The following CSMD3 variants were observed in gnomAD, a reference collection of about 807,000 sequenced individuals.
CSMD3 encodes the protein CUB and Sushi multiple domains 3.
CSMD3 carries 177 observed loss-of-function variants against 435.2 expected under a neutral mutation model. That is an observed-to-expected ratio of 0.41 (90% CI 0.36 to 0.46). The LOEUF is 0.46. Ranked by LOEUF, CSMD3 falls within the 20% of genes least tolerant of loss-of-function variation. The pLI, the probability that CSMD3 is intolerant of heterozygous loss-of-function variation, is 0.34. For missense variants in CSMD3, 4,265 were observed against 4,504.6 expected, an observed-to-expected ratio of 0.95 and a Z score of 1.52; for synonymous variants, 1,656 against 1,520.5, an observed-to-expected ratio of 1.09 and a Z score of -2.07.
At chr8:112,873,873 TG>T (rs1241095257) in intron 10 of CSMD3, among the ~76,000 whole-genome samples, 1 of 152,112 alleles carries the variant, frequency 6.6e-6, no homozygotes, top group African/African-American at 2.4e-5. Context: ...CTGGATTCAC[TG>T]ATTTTTTTTG....
intron 11 of CSMD3, among the ~76,000 whole-genome samples, chr8:112,845,977 CAG>C (rs956331201): frequency 2.6e-5 from 4 of 151,856 alleles, no homozygotes; most frequent in African/African-American, 9.7e-5. Context: ...TTCAGGAAAA[CAG>C]AGAATAAAGA....
At chr8:112,551,579 T>C (rs1827690085) in intron 26 of CSMD3, among the ~76,000 whole-genome samples, 1 of 152,112 alleles carries the variant, frequency 6.6e-6, no homozygotes, top group African/African-American at 2.4e-5. Context: ...AATGTTTAAT[T>C]TTTAGAAATT....
chr8:112,447,377 G>A (rs1815724120), intron 32 of CSMD3, among the ~76,000 whole-genome samples: 1 of 152,030 alleles, frequency 6.6e-6, no homozygotes, highest in African/African-American at 2.4e-5. Flanking sequence ...CTTTATCTAT[G>A]ACCACATCCC....
At chr8:112,556,466 T>C (rs1828128820) in intron 25 of CSMD3, among the ~76,000 whole-genome samples, 1 of 152,050 alleles carries the variant, frequency 6.6e-6, no homozygotes, top group Non-Finnish European at 1.5e-5. Context: ...ATTAAAAGTC[T>C]TAACATTTTA....
At chr8:113,043,435 A>G (rs143856096) in intron 5 of CSMD3, among the ~76,000 whole-genome samples, 233 of 152,300 alleles carry the variant, frequency 1.5e-3, no homozygotes, top group African/African-American at 5.5e-3. Flanking sequence ...AAATGTTTCC[A>G]GAAGTTGTCC....
At chr8:112,773,320 T>G (rs965021639) in intron 13 of CSMD3, among the ~76,000 whole-genome samples, 12 of 151,978 alleles carry the variant, frequency 7.9e-5, no homozygotes, top group African/African-American at 2.9e-4. Flanking sequence ...CTATAAAAGT[T>G]TTCAACAATA....
chr8:112,239,117 T>C (rs1180983434), intron 66 of CSMD3, among the ~76,000 whole-genome samples: 1 of 152,094 alleles, frequency 6.6e-6, no homozygotes, highest in Non-Finnish European at 1.5e-5. Context: ...CACAGAACTG[T>C]AACCAATCTA....
chr8:113,195,241 T>C (rs75821229), intron 3 of CSMD3, among the ~76,000 whole-genome samples: 5 of 150,776 alleles, frequency 3.3e-5, no homozygotes, highest in Admixed American at 6.6e-5. Flanking sequence ...TTTTTTTTTT[T>C]CAAGCTTCAG....
intron 3 of CSMD3, among the ~76,000 whole-genome samples, chr8:113,222,887 T>C (rs565520749): frequency 6.6e-6 from 1 of 151,018 alleles, no homozygotes; most frequent in Non-Finnish European, 1.5e-5. Flanking sequence ...AATTTTCACA[T>C]GATATTTCGG....
chr8:113,100,764 T>C (rs1251251812), intron 4 of CSMD3, among the ~76,000 whole-genome samples: 3 of 152,156 alleles, frequency 2.0e-5, no homozygotes, highest in African/African-American at 4.8e-5. Flanking sequence ...ACATTACTTT[T>C]GTCTGTTTAA....
intron 35 of CSMD3, among the ~76,000 whole-genome samples, chr8:112,405,238 TATATATATAC>T (rs1831729939): frequency 9.9e-6 from 1 of 100,886 alleles, no homozygotes; most frequent in African/African-American, 4.0e-5. Context: ...TATATATATA[TATATATATAC>T]ATATATATAT....
intron 17 of CSMD3, among the ~76,000 whole-genome samples, chr8:112,661,492 CAGGCAT>C (rs2075378739): frequency 6.6e-6 from 1 of 152,068 alleles, no homozygotes; most frequent in Non-Finnish European, 1.5e-5. Context: ...CTCTGAATTG[CAGGCAT>C]TGTTTGGCAA....
At chr8:112,659,081 G>T (rs995909758) in intron 17 of CSMD3, among the ~76,000 whole-genome samples, 2 of 152,114 alleles carry the variant, frequency 1.3e-5, no homozygotes, top group African/African-American at 2.4e-5. Context: ...TAAAATGCAC[G>T]GAAGAGTCAG....
intron 13 of CSMD3, among the ~76,000 whole-genome samples, chr8:112,763,907 T>A (rs926937855): frequency 7.3e-5 from 11 of 151,376 alleles, no homozygotes; most frequent in Non-Finnish European, 1.6e-4. Flanking sequence ...TTTTTCTTGC[T>A]GGCAGCTCCA....
At chr8:112,570,228 T>A (rs1218159896) in intron 24 of CSMD3, among the ~76,000 whole-genome samples, 1 of 152,202 alleles carries the variant, frequency 6.6e-6, no homozygotes, top group Non-Finnish European at 1.5e-5. Context: ...ATAAAATTCA[T>A]ATTCAGATGA....
Position 112,343,001 on chromosome 8 carries a change from T to TTTATA in CSMD3, c.6443-1316_6443-1315insTATAA, listed in dbSNP as rs72258524. On this transcript the variant is annotated intron_variant, in intron 41 of 70. Coordinates refer to ENST00000297405, the MANE Select transcript of CSMD3 (RefSeq NM_198123.2). ...TATATATATATTTATATATATATAT[T>TTTATA]TATATATATATATATTTATATATAT... Among the ~76,000 whole-genome samples, 337 of 109,660 alleles carry TTTATA rather than the reference T, an allele frequency of 3.1e-3. 1 individual carries two copies. Among genetic ancestry groups the TTTATA allele is most frequent in the African/African-American group, 0.01 (287 of 28,388 alleles). The allele number at this position is 109,660 out of a possible 152,430, so 71.9% of individuals were successfully genotyped here.
chr8:112,426,124 T>C (rs1813045978), intron 32 of CSMD3, among the ~76,000 whole-genome samples: 1 of 152,148 alleles, frequency 6.6e-6, no homozygotes, highest in Non-Finnish European at 1.5e-5. Context: ...TGAGCTGCAA[T>C]AGTTTCAAAT....
intron 6 of CSMD3, among the ~76,000 whole-genome samples, chr8:113,010,072 G>C (rs1194798478): frequency 6.6e-6 from 1 of 151,554 alleles, no homozygotes; most frequent in Non-Finnish European, 1.5e-5. Context: ...TTAAGTGGTT[G>C]TTTTAAATTA....
intron 1 of CSMD3, among the ~76,000 whole-genome samples, chr8:113,380,532 T>C (rs1447278485): frequency 1.3e-5 from 2 of 152,148 alleles, no homozygotes; most frequent in African/African-American, 4.8e-5. Flanking sequence ...TAGACTAATG[T>C]TTCCACAACT....
Sources: allele counts gnomAD v4.1 joint callset (sites outside exome capture counted in the v4.1 genomes callset), GRCh38; gene constraint gnomAD v4.1.1; transcripts MANE v1.5; gene names NCBI Gene and HGNC (gene_info 2026-07-23, HGNC 2026-07-21).